ANOS1: variants seen among roughly 807,000 people sequenced by gnomAD.
The protein encoded by ANOS1 is anosmin 1, also known as anosmin-1.
Under a neutral mutation model 59.0 loss-of-function variants are expected in ANOS1, and 6 were observed. That is an observed-to-expected ratio of 0.10 (90% CI 0.06 to 0.20). The LOEUF (loss-of-function observed/expected upper bound fraction) is 0.20. Ranked by LOEUF, ANOS1 falls within the 10% of genes least tolerant of loss-of-function variation. ANOS1 has a pLI of 1.00. For synonymous variants in ANOS1, 217 were observed against 223.4 expected, an observed-to-expected ratio of 0.97 and a Z score of 0.25; for missense variants, 433 against 542.3, an observed-to-expected ratio of 0.80 and a Z score of 2.00.
At chrX:8,708,506 T>C (rs1932792680) in intron 1 of ANOS1, among the ~76,000 whole-genome samples, 1 of 111,761 alleles carries the variant, frequency 8.9e-6, no homozygotes, top group African/African-American at 3.3e-5. Flanking sequence ...AACAAACATA[T>C]GAAAAAAGCT....
intron 1 of ANOS1, among the ~76,000 whole-genome samples, chrX:8,721,064 T>C (rs768844620): frequency 8.9e-6 from 1 of 111,847 alleles, no homozygotes; most frequent in African/African-American, 3.2e-5. Flanking sequence ...GAAGAATGAA[T>C]TGGGTGGGTA....
intron 8 of ANOS1, among the ~76,000 whole-genome samples, chrX:8,567,161 CTAAGATA>C (rs1213265951): frequency 8.9e-6 from 1 of 112,178 alleles, no homozygotes; most frequent in Non-Finnish European, 1.9e-5. Flanking sequence ...AACTTATTCT[CTAAGATA>C]TGAGTGTCAT....
chrX:8,672,094 T>TA (rs902455481), intron 2 of ANOS1, among the ~76,000 whole-genome samples: 2 of 110,856 alleles, frequency 1.8e-5, no homozygotes, highest in Non-Finnish European at 3.8e-5. Flanking sequence ...TAAATTTCAT[T>TA]AAAAAATCTC....
chrX:8,567,533 A>G (rs760047208), intron 8 of ANOS1, among the ~76,000 whole-genome samples: 1 of 112,099 alleles, frequency 8.9e-6, no homozygotes, highest in South Asian at 3.7e-4. Context: ...CTAGAGAAAC[A>G]CTGTAATCCC....
chrX:8,689,892 A>T (rs1365790143), intron 2 of ANOS1, among the ~76,000 whole-genome samples: 1 of 111,832 alleles, frequency 8.9e-6, no homozygotes, highest in East Asian at 2.8e-4. Context: ...CAGTTGGAGA[A>T]ATTTACATCC....
intron 3 of ANOS1, among the ~76,000 whole-genome samples, chrX:8,612,584 T>C (rs1931080654): frequency 1.0e-5 from 1 of 99,883 alleles, no homozygotes; most frequent in South Asian, 4.2e-4. Context: ...AGCACTAAAA[T>C]TGACAAAATT....
intron 1 of ANOS1, among the ~76,000 whole-genome samples, chrX:8,709,326 TA>T (rs1262521785): frequency 1.8e-5 from 2 of 109,919 alleles, no homozygotes; most frequent in Non-Finnish European, 3.8e-5. Flanking sequence ...TATTCAACCA[TA>T]AAAAAAGAAA....
intron 2 of ANOS1, among the ~76,000 whole-genome samples, chrX:8,626,404 T>A (rs775174549): frequency 9.0e-6 from 1 of 111,215 alleles, no homozygotes; most frequent in South Asian, 3.7e-4. Context: ...TTCATTTTTT[T>A]AAAAAAACTT....
intron 2 of ANOS1, among the ~76,000 whole-genome samples, chrX:8,644,189 G>T (rs1931712903): frequency 8.9e-6 from 1 of 111,780 alleles, no homozygotes; most frequent in Admixed American, 9.5e-5. Context: ...ATACCGTTAT[G>T]CAGAGGACCA....
chrX:8,629,270 C>T (rs1041687271), intron 2 of ANOS1, among the ~76,000 whole-genome samples: 2 of 110,650 alleles, frequency 1.8e-5, no homozygotes, highest in African/African-American at 3.3e-5. Flanking sequence ...TTAAAAAGGG[C>T]ACAATTATTC....
chrX:8,669,823 CAGAA>C (rs1265141558), intron 2 of ANOS1, among the ~76,000 whole-genome samples: 5 of 111,269 alleles, frequency 4.5e-5, no homozygotes, highest in African/African-American at 1.6e-4. Flanking sequence ...TGTGGTAGAT[CAGAA>C]AGAAAGCACA....
intron 1 of ANOS1, among the ~76,000 whole-genome samples, chrX:8,710,519 C>T (rs778000847): frequency 8.9e-6 from 1 of 111,814 alleles, no homozygotes; most frequent in Non-Finnish European, 1.9e-5. Flanking sequence ...TCAGATGATA[C>T]CATATCATTA....
intron 6 of ANOS1, among the ~76,000 whole-genome samples, chrX:8,579,071 T>C (rs1930378683): frequency 8.9e-6 from 1 of 112,749 alleles, no homozygotes; most frequent in Admixed American, 9.4e-5. Context: ...ATTTTTGTAT[T>C]TTGTAATTTT....
chrX:8,610,006 C>CCAAAAAAAAAAA (rs1931017360), intron 3 of ANOS1, among the ~76,000 whole-genome samples: 1 of 9,160 alleles, frequency 1.1e-4, no homozygotes, highest in Non-Finnish European at 2.8e-4. Context: ...GACTCCATCT[C>CCAAAAAAAAAAA]AAAAAAAAAA....
chrX:8,686,773 G>C (rs183974779), intron 2 of ANOS1, among the ~76,000 whole-genome samples: 1 of 110,713 alleles, frequency 9.0e-6, no homozygotes, highest in African/African-American at 3.3e-5. Context: ...CCAACATAGC[G>C]AAACCCCCAC....
chrX:8,548,477 C>T (rs1441691043), intron 9 of ANOS1, among the ~76,000 whole-genome samples: 1 of 112,145 alleles, frequency 8.9e-6, no homozygotes, highest in Non-Finnish European at 1.9e-5. Context: ...TTTTCAAGAA[C>T]TTCCTGTCAC....
At chrX:8,678,550 C>T (rs1354080306) in intron 2 of ANOS1, among the ~76,000 whole-genome samples, 5 of 111,998 alleles carry the variant, frequency 4.5e-5, no homozygotes, top group African/African-American at 1.6e-4. Context: ...AGAACATGGG[C>T]TTTAAAAACA....
chrX:8,553,505 G>C (rs1929890579), intron 9 of ANOS1, among the ~76,000 whole-genome samples: 1 of 111,416 alleles, frequency 9.0e-6, no homozygotes, highest in Admixed American at 9.6e-5. Flanking sequence ...CCCTAACTGA[G>C]TGAAAGACAG....
intron 2 of ANOS1, among the ~76,000 whole-genome samples, chrX:8,664,973 C>T (rs896151164): frequency 8.9e-6 from 1 of 111,908 alleles, no homozygotes; most frequent in Non-Finnish European, 1.9e-5. Flanking sequence ...CTTGTGAACA[C>T]TGTATAAGCA....
Sources: allele counts gnomAD v4.1 joint callset (sites outside exome capture counted in the v4.1 genomes callset), GRCh38; gene constraint gnomAD v4.1.1; transcripts MANE v1.5; gene names NCBI Gene and HGNC (gene_info 2026-07-23, HGNC 2026-07-21).